OR2L5: variants seen among roughly 807,000 people sequenced by gnomAD.
OR2L5 encodes the protein olfactory receptor family 2 subfamily L member 5, also known as olfactory receptor 2L5.
For synonymous variants in OR2L5, 169 were observed against 142.0 expected, an observed-to-expected ratio of 1.19 and a Z score of -1.35; for missense variants, 413 against 381.6, an observed-to-expected ratio of 1.08 and a Z score of -0.69.
chr1:248,018,461 A>T (rs1457305078), intron 1 of OR2L5, among the ~76,000 whole-genome samples: 1 of 152,172 alleles, frequency 6.6e-6, no homozygotes, highest in African/African-American at 2.4e-5. Context: ...CTGATCTCAT[A>T]CTGTTTCCAA....
Position 248,022,023 on chromosome 1 carries a change from C to G in OR2L5, c.76C>G (p.Leu26Val). The change falls in exon 2 of 2, where the codon CTC (leucine) becomes GTC (valine). Residue 26 changes from leucine (L) to valine (V), a missense_variant. Physicochemically the swap from Leu to Val is conservative, Grantham distance 32 (BLOSUM62 1). Transcript: ENST00000355281. ...CCCACCATCAAAAATTGGCCTTTTCCTCTTCATTCTCTTTGTTCTCATTTT... is the reference window on the plus strand; with the variant it reads ...CCCACCATCAAAAATTGGCCTTTTCGTCTTCATTCTCTTTGTTCTCATTTT... Reference protein sequence around the residue: ...LFPPSKIGLFLFILFVLIFLM... With the variant: ...LFPPSKIGLFVFILFVLIFLM... The G allele has an allele frequency of 6.2e-7, 1 of 1,613,850 alleles. No homozygotes were observed. Among genetic ancestry groups the G allele is most frequent in the Non-Finnish European group, 8.5e-7 (1 of 1,179,870 alleles).
In OR2L5 at chr1:248,022,098, G is replaced by A; in HGVS notation, c.151G>A (p.Asp51Asn). The change falls in exon 2 of 2, where the codon GAC becomes AAC. Residue 51 changes from aspartate to asparagine, a missense_variant. Asp to Asn is a conservative substitution (Grantham distance 23, BLOSUM62 1). Coordinates refer to ENST00000355281, the MANE Select transcript of OR2L5 (RefSeq NM_001258284.2). ...NLSMILLIFLDTHLHTPMYFL... is the reference protein window; with the variant it reads ...NLSMILLIFLNTHLHTPMYFL... ...ATCCATGATTCTTCTCATCTTCTTG[G>A]ACACCCATCTCCACACACCCATGTA... 1 of 1,613,648 alleles carries A rather than the reference G, an allele frequency of 6.2e-7. No homozygotes were observed. The highest frequency in any genetic ancestry group is 8.5e-7 in the Non-Finnish European group (1 of 1,179,786).
In OR2L5 at chr1:248,022,918, G is replaced by A; in HGVS notation, c.*32G>A. The A allele has an allele frequency of 6.4e-7, 1 of 1,561,722 alleles. No homozygotes were observed. Among genetic ancestry groups the A allele is most frequent in the Non-Finnish European group, 8.7e-7 (1 of 1,153,208 alleles). ...GTTCTGTGTTAGAGTCAAAGCGCTA[G>A]GTTCATATCAACTCAGCAGTGTACA... On this transcript the variant is annotated 3_prime_UTR_variant, in exon 2 of 2. Transcript: ENST00000355281.
Position 248,023,958 on chromosome 1 carries a change from T to G in OR2L5, c.*1072T>G, listed in dbSNP as rs1662411613. ...ATAATCTTCACTCTGGAAATATAATTAAAGTGCATAAAAACTATTTATCTG... is the reference window on the plus strand; with the variant it reads ...ATAATCTTCACTCTGGAAATATAATGAAAGTGCATAAAAACTATTTATCTG... On this transcript the variant is annotated 3_prime_UTR_variant, in exon 2 of 2. Transcript: ENST00000355281. The G allele has an allele frequency of 6.6e-6, 1 of 152,106 alleles. No homozygotes were observed. Among genetic ancestry groups the G allele is most frequent in the Admixed American group, 6.6e-5 (1 of 15,264 alleles). The allele number at this position is 152,106 out of a possible 1,614,324, so 9.4% of individuals were successfully genotyped here. A position where few individuals can be genotyped will look rare whatever the true frequency, so the allele number is the denominator to read the frequency against.
chr1:248,016,698 A>G (rs1662205614), intron 1 of OR2L5, among the ~76,000 whole-genome samples: 1 of 151,856 alleles, frequency 6.6e-6, no homozygotes, highest in Non-Finnish European at 1.5e-5. Context: ...ATTTTTTTAA[A>G]CGTGTATATA....
In OR2L5 at chr1:248,022,533, T is replaced by C; in HGVS notation, c.586T>C (p.Tyr196His). ...LACTDTWVYE[Y>H]TVFLSSTIFL... is the part of the protein sequence containing the mutation. Reference sequence around the variant, plus strand: ...CTGTACAGACACCTGGGTCTATGAGTACACAGTGTTTTTGAGCAGCACCAT... The same window carrying C: ...CTGTACAGACACCTGGGTCTATGAGCACACAGTGTTTTTGAGCAGCACCAT... Residue 196 changes from tyrosine to histidine, a missense_variant, in exon 2 of 2, where the codon TAC becomes CAC. Coordinates refer to ENST00000355281, the MANE Select transcript of OR2L5 (RefSeq NM_001258284.2). 4 of 1,614,172 alleles carry C rather than the reference T, an allele frequency of 2.5e-6. No homozygotes were observed. Among genetic ancestry groups the C allele is most frequent in the Non-Finnish European group, 3.4e-6 (4 of 1,180,026 alleles).
At chr1:248,017,732 G>C (rs573788434) in intron 1 of OR2L5, among the ~76,000 whole-genome samples, 1 of 152,210 alleles carries the variant, frequency 6.6e-6, no homozygotes. Context: ...GGCAGAGCTG[G>C]GTTGTAAATT....
Position 248,022,925 on chromosome 1 carries a change from A to T in OR2L5, c.*39A>T. The T allele has an allele frequency of 6.4e-7, 1 of 1,552,874 alleles. No homozygotes were observed. Among genetic ancestry groups the T allele is most frequent in the South Asian group, 1.2e-5 (1 of 82,490 alleles). On this transcript the variant is annotated 3_prime_UTR_variant, in exon 2 of 2. Coordinates refer to ENST00000355281, the MANE Select transcript of OR2L5 (RefSeq NM_001258284.2). ...GTTAGAGTCAAAGCGCTAGGTTCAT[A>T]TCAACTCAGCAGTGTACAGCAGTGA...
intron 1 of OR2L5, among the ~76,000 whole-genome samples, chr1:248,021,341 A>G (rs1662329954): frequency 2.6e-5 from 4 of 152,230 alleles, no homozygotes; most frequent in African/African-American, 9.6e-5. Context: ...AGTTGTATAA[A>G]TAATTCACAG....
Position 248,022,856 on chromosome 1 carries a change from G to A in OR2L5, c.909G>A (p.Val303=), listed in dbSNP as rs769810924. 1 of 1,610,692 alleles carries A rather than the reference G, an allele frequency of 6.2e-7. No individual in the cohort carries two copies. The highest frequency in any genetic ancestry group is 1.3e-5 in the African/African-American group (1 of 74,708). ...AGGTGATGGGGGCCCTGACACGAGT[G>A]ATTCAGAATATCTTCTCGGTGAAAA... ...NKEVMGALTR[V]IQNIFSVKM The change falls in exon 2 of 2, where the codon GTG becomes GTA. Residue 303 remains valine, a synonymous_variant. Transcript: ENST00000355281.
Position 248,020,288 on chromosome 1 carries a change from C to T in OR2L5, c.-21-1639C>T, listed in dbSNP as rs116526894. ...ATTGGTAATGAGGAAGTAAAACTGT[C>T]GCTGTTTGCTGATGCTATGATTGTT... On this transcript the variant is annotated intron_variant, in intron 1 of 1. Transcript: ENST00000355281. Among the ~76,000 whole-genome samples, 1,339 of 152,218 alleles carry T rather than the reference C, an allele frequency of 8.8e-3. 10 individuals are homozygous for T. The highest frequency in any genetic ancestry group is 0.03 in the African/African-American group (1,251 of 41,520).
intron 1 of OR2L5, among the ~76,000 whole-genome samples, chr1:248,015,200 T>C (rs972099798): frequency 6.6e-6 from 1 of 152,178 alleles, no homozygotes; most frequent in Non-Finnish European, 1.5e-5. Context: ...AAATACATAT[T>C]GTGTAAATAT....
chr1:248,019,255 C>A (rs907785062), intron 1 of OR2L5, among the ~76,000 whole-genome samples: 1 of 152,064 alleles, frequency 6.6e-6, no homozygotes, highest in Admixed American at 6.6e-5. Flanking sequence ...CTTTAATATG[C>A]ATTTATAGGA....
intron 1 of OR2L5, among the ~76,000 whole-genome samples, chr1:248,017,933 T>C (rs80069717): frequency 6.6e-6 from 1 of 151,898 alleles, no homozygotes; most frequent in Non-Finnish European, 1.5e-5. Context: ...AAAAATACAT[T>C]CGTATCGAGA....
intron 1 of OR2L5, among the ~76,000 whole-genome samples, chr1:248,017,931 A>G (rs1262326112): frequency 1.3e-5 from 2 of 152,046 alleles, no homozygotes; most frequent in African/African-American, 4.8e-5. Context: ...GAAAAAATAC[A>G]TTCGTATCGA....
rs748618026 is a variant in OR2L5 at position 248,022,636 on chromosome 1, C to A, written c.689C>A (p.Ala230Glu). Residue 230 changes from alanine (A) to glutamate (E), a missense_variant, in exon 2 of 2, where the codon GCA becomes GAA. Transcript: ENST00000355281. ...VLLAVYRMHSAEGRKKAYSTC... is the reference protein window; with the variant it reads ...VLLAVYRMHSEEGRKKAYSTC... The stretch of plus-strand genomic sequence containing the variant: ...CTTGCTGTCTACCGCATGCACTCTG[C>A]AGAAGGGAGGAAAAAGGCCTATTCG... The A allele has an allele frequency of 5.0e-6, 8 of 1,614,098 alleles. No homozygotes were observed. Among genetic ancestry groups the A allele is most frequent in the Non-Finnish European group, 5.9e-6 (7 of 1,179,980 alleles).
In OR2L5 at chr1:248,017,798, C is replaced by T. The variant is rs141446124; in HGVS notation, c.-22+4060C>T. On this transcript the variant is annotated intron_variant, in intron 1 of 1. Coordinates refer to ENST00000355281, the MANE Select transcript of OR2L5 (RefSeq NM_001258284.2). ...GGGTTGCCTGATTTGCTTCGTGATT[C>T]CGTCTCTAGAACTTCTAGGTAAACA... Among the ~76,000 whole-genome samples, 651 of 152,152 alleles carry T rather than the reference C, an allele frequency of 4.3e-3. 2 individuals carry two copies. Among genetic ancestry groups the T allele is most frequent in the African/African-American group, 0.015 (626 of 41,488 alleles).
chr1:248,023,015 T>G lies in OR2L5; in HGVS notation c.*129T>G. The stretch of plus-strand genomic sequence containing the variant: ...TTAATCCAGAATGTTTGTCTTTTAA[T>G]TTAGTCTTGACATTATAGTTGCATA... On this transcript the variant is annotated 3_prime_UTR_variant, in exon 2 of 2. Transcript: ENST00000355281. 1.1e-6 allele frequency: 1 copy of G among 898,500 alleles called. No individual in the cohort carries two copies. The highest frequency in any genetic ancestry group is 1.7e-6 in the Non-Finnish European group (1 of 603,788). The allele number at this position is 898,500 out of a possible 1,614,324, so 55.7% of individuals were successfully genotyped here. A position where few individuals can be genotyped will look rare whatever the true frequency, so the allele number is the denominator to read the frequency against.
intron 1 of OR2L5, among the ~76,000 whole-genome samples, chr1:248,019,484 A>G (rs750157483): frequency 1.3e-3 from 195 of 152,278 alleles, no homozygotes; most frequent in Admixed American, 2.1e-3. Context: ...GGCACTGACT[A>G]TACTTTTATG....
Sources: gnomAD v4.1 joint callset for allele counts (sites outside exome capture counted in the v4.1 genomes callset) on GRCh38, gnomAD v4.1.1 for gene constraint, MANE v1.5 for transcripts, NCBI Gene and HGNC (gene_info 2026-07-23, HGNC 2026-07-21) for gene names.